CLDN10: variants seen among roughly 807,000 people sequenced by gnomAD.
CLDN10 encodes the protein claudin-10.
CLDN10 carries 15 observed loss-of-function variants against 22.9 expected under a neutral mutation model. The ratio of observed to expected loss-of-function variants is 0.65; its 90% CI spans 0.44 to 1.01. The LOEUF (loss-of-function observed/expected upper bound fraction) is 1.01. CLDN10 is among the 50% of genes least tolerant of loss of function. CLDN10 has a pLI of 0.00. For synonymous variants in CLDN10, 114 were observed against 111.4 expected (o/e 1.02, Z -0.15); for missense variants, 247 against 287.8 (o/e 0.86, Z 1.03).
intron 1 of CLDN10, among the ~76,000 whole-genome samples, chr13:95,514,260 G>T (rs75658807): frequency 6.6e-6 from 1 of 151,700 alleles, no homozygotes; most frequent in Non-Finnish European, 1.5e-5. Flanking sequence ...CCCTGTCTCA[G>T]AAAAGAAAAA....
intron 1 of CLDN10, among the ~76,000 whole-genome samples, chr13:95,454,188 C>T (rs2042460465): frequency 6.6e-6 from 1 of 152,066 alleles, no homozygotes; most frequent in Non-Finnish European, 1.5e-5. Flanking sequence ...ACCTGTAATC[C>T]CAGCACTTTG....
At chr13:95,506,807 G>A (rs2043043331) in intron 1 of CLDN10, among the ~76,000 whole-genome samples, 1 of 152,148 alleles carries the variant, frequency 6.6e-6, no homozygotes, top group African/African-American at 2.4e-5. Flanking sequence ...GAAGAGGAGG[G>A]TTGCCACCCC....
chr13:95,570,858 G>GTATATATATATATATATATATATATATA (rs55861640), intron 3 of CLDN10, among the ~76,000 whole-genome samples: 17 of 119,714 alleles, frequency 1.4e-4, no homozygotes, highest in African/African-American at 2.0e-4. Flanking sequence ...ATATACGTGT[G>GTATATATATATATATATATATATATATA]TATATATATA....
intron 1 of CLDN10, among the ~76,000 whole-genome samples, chr13:95,463,285 A>AAATATATATATATAT (rs1491334890): frequency 0.011 from 429 of 40,036 alleles, 53 homozygotes; most frequent in Non-Finnish European, 0.017. Context: ...GCAAATGCTT[A>AAATATATATATATAT]ATATATATAT....
chr13:95,546,683 G>A (rs183316474), intron 1 of CLDN10, among the ~76,000 whole-genome samples: 6 of 152,274 alleles, frequency 3.9e-5, no homozygotes, highest in Admixed American at 3.9e-4. Context: ...GCTGTATTGT[G>A]AGGACTAGAG....
chr13:95,577,046 T>C (rs2043941829), intron 3 of CLDN10, among the ~76,000 whole-genome samples, 185 bp from the exon 4 acceptor site: 1 of 152,242 alleles, frequency 6.6e-6, no homozygotes, highest in South Asian at 2.1e-4. Flanking sequence ...GATGGTCTAA[T>C]GGCTATAAAA....
chr13:95,498,364 G>A (rs1004583649), intron 1 of CLDN10, among the ~76,000 whole-genome samples: 3 of 152,112 alleles, frequency 2.0e-5, no homozygotes, highest in Non-Finnish European at 4.4e-5. Context: ...AGATGTCTAT[G>A]GGCAAAATAT....
intron 1 of CLDN10, among the ~76,000 whole-genome samples, chr13:95,544,901 C>T (rs1311259027): frequency 4.0e-5 from 6 of 151,882 alleles, no homozygotes; most frequent in East Asian, 1.9e-4. Flanking sequence ...CTCAGCCTCC[C>T]GAGTAGCTGG....
At chr13:95,526,083 GT>G (rs1255412615) in intron 1 of CLDN10, among the ~76,000 whole-genome samples, 49 of 152,038 alleles carry the variant, frequency 3.2e-4, no homozygotes, top group Admixed American at 3.0e-3. Context: ...CTTCCATTGT[GT>G]TTTTATCTCA....
chr13:95,525,653 A>G (rs2043273021), intron 1 of CLDN10, among the ~76,000 whole-genome samples: 1 of 151,822 alleles, frequency 6.6e-6, no homozygotes, highest in Non-Finnish European at 1.5e-5. Context: ...CACCGCGCCC[A>G]GCTGATTTTT....
chr13:95,478,023 A>G (rs1364178652), intron 1 of CLDN10, among the ~76,000 whole-genome samples: 1 of 152,212 alleles, frequency 6.6e-6, no homozygotes, highest in East Asian at 1.9e-4. Context: ...AAAGCTCTGG[A>G]GGCCAGGCAC....
At chr13:95,454,404 C>T (rs138503173) in intron 1 of CLDN10, among the ~76,000 whole-genome samples, 1 of 152,080 alleles carries the variant, frequency 6.6e-6, no homozygotes, top group East Asian at 1.9e-4. Context: ...CCACTGCACT[C>T]CAGCCTGGGT....
chr13:95,502,040 T>C (rs1437553948), intron 1 of CLDN10, among the ~76,000 whole-genome samples: 1 of 152,254 alleles, frequency 6.6e-6, no homozygotes, highest in Non-Finnish European at 1.5e-5. Context: ...ATAAGAATTT[T>C]ACAATAGTTG....
intron 1 of CLDN10, among the ~76,000 whole-genome samples, chr13:95,437,005 C>G (rs1001288747): frequency 6.6e-6 from 1 of 151,980 alleles, no homozygotes; most frequent in Non-Finnish European, 1.5e-5. Context: ...CAGATTAAAC[C>G]TCCTCTAAGA....
intron 1 of CLDN10, among the ~76,000 whole-genome samples, chr13:95,436,156 A>T (rs545428889): frequency 6.6e-6 from 1 of 152,068 alleles, no homozygotes; most frequent in Non-Finnish European, 1.5e-5. Flanking sequence ...TATGGTCCAG[A>T]TATCTCTCAC....
chr13:95,533,308 T>C (rs983295286), intron 1 of CLDN10, among the ~76,000 whole-genome samples: 1 of 151,790 alleles, frequency 6.6e-6, no homozygotes, highest in Non-Finnish European at 1.5e-5. Context: ...TGGTAGAATG[T>C]AGGTGTTGGG....
rs1414014509 is a variant in CLDN10 at position 95,450,638 on chromosome 13, GCCC to G, written c.214+16592_214+16594del. Among the ~76,000 whole-genome samples the G allele has an allele frequency of 2.0e-5, 3 of 152,090 alleles. 1 individual carries two copies. The highest frequency in any genetic ancestry group is 2.0e-4 in the Admixed American group (3 of 15,256). On this transcript the variant is annotated intron_variant, in intron 1 of 4. Transcript: ENST00000376873. ...AGGTTAGACATCCGCAGCACATAAG[GCCC>G]ATCTGCTGCTTCTTCAGACTGCACG...
chr13:95,573,060 T>C (rs1594623145), intron 3 of CLDN10, among the ~76,000 whole-genome samples: 1 of 152,238 alleles, frequency 6.6e-6, no homozygotes, highest in South Asian at 2.1e-4. Flanking sequence ...ATGAGAGCCA[T>C]GGGCAACAGC....
intron 1 of CLDN10, among the ~76,000 whole-genome samples, chr13:95,543,199 T>C (rs2043476532): frequency 6.6e-6 from 1 of 152,140 alleles, no homozygotes; most frequent in Non-Finnish European, 1.5e-5. Context: ...ACCCTTGCAC[T>C]TCAGCCTGGG....
Sources: gnomAD v4.1 joint callset for allele counts (sites outside exome capture counted in the v4.1 genomes callset) on GRCh38, gnomAD v4.1.1 for gene constraint, MANE v1.5 for transcripts, NCBI Gene and HGNC (gene_info 2026-07-23, HGNC 2026-07-21) for gene names.